Variants in CYP7B1 observed in about 807,000 individuals in gnomAD.
The protein encoded by CYP7B1 is cytochrome P450 7B1.
A neutral mutation model predicts 42.7 loss-of-function variants in CYP7B1; 29 were observed. That is an observed-to-expected ratio of 0.68 (90% confidence interval 0.51 to 0.93). The LOEUF is 0.93. Among genes scored for constraint, CYP7B1 ranks in the 40% least tolerant of loss-of-function variants. The probability of loss-of-function intolerance (pLI) is 0.00; values close to 1 mark genes in which losing one functional copy is unlikely to be tolerated. For missense variants in CYP7B1, 655 were observed against 600.5 expected (o/e 1.09, Z -0.95); for synonymous variants, 235 against 218.2 (o/e 1.08, Z -0.68).
intron 1 of CYP7B1, among the ~76,000 whole-genome samples, chr8:64,760,793 G>A (rs534637312): frequency 6.6e-6 from 1 of 152,114 alleles, no homozygotes; most frequent in African/African-American, 2.4e-5. Flanking sequence ...CAGTATGGAG[G>A]TTCCTAAAAA....
At chr8:64,677,562 G>A (rs939810128) in intron 1 of CYP7B1, among the ~76,000 whole-genome samples, 1 of 151,598 alleles carries the variant, frequency 6.6e-6, no homozygotes, top group African/African-American at 2.4e-5. Context: ...AAGCAACTGA[G>A]GAGGACAGGC....
At chr8:64,607,133 C>T in intron 4 of CYP7B1, among the ~76,000 whole-genome samples, 1 of 152,164 alleles carries the variant, frequency 6.6e-6, no homozygotes, top group East Asian at 1.9e-4. Flanking sequence ...CAATTTAAAA[C>T]ATACCAAGGG....
chr8:64,616,733 A>G (rs1050062628), intron 2 of CYP7B1, among the ~76,000 whole-genome samples: 2 of 152,232 alleles, frequency 1.3e-5, no homozygotes, highest in African/African-American at 4.8e-5. Flanking sequence ...TTGTTCAAAT[A>G]CAACAATTTT....
At chr8:64,764,723 T>A (rs1023341421) in intron 1 of CYP7B1, among the ~76,000 whole-genome samples, 6 of 152,300 alleles carry the variant, frequency 3.9e-5, no homozygotes, top group Non-Finnish European at 8.8e-5. Context: ...AAATAACCTT[T>A]AGAGGAAAAC....
chr8:64,699,380 G>A (rs1585863805), intron 1 of CYP7B1, among the ~76,000 whole-genome samples: 2 of 151,980 alleles, frequency 1.3e-5, no homozygotes, highest in African/African-American at 4.8e-5. Context: ...TATGAGCTAA[G>A]TGTAATGAAA....
At chr8:64,748,466 T>A (rs1807679407) in intron 1 of CYP7B1, among the ~76,000 whole-genome samples, 1 of 152,198 alleles carries the variant, frequency 6.6e-6, no homozygotes, top group South Asian at 2.1e-4. Context: ...AGAATTTGAA[T>A]CTGCTGATCA....
At chr8:64,602,527 G>C (rs1247217481) in intron 5 of CYP7B1, among the ~76,000 whole-genome samples, 1 of 152,162 alleles carries the variant, frequency 6.6e-6, no homozygotes, top group Non-Finnish European at 1.5e-5. Context: ...TTGTCTCTCT[G>C]TCTTCCAAGA....
chr8:64,712,675 T>C (rs781225100), intron 1 of CYP7B1, among the ~76,000 whole-genome samples: 24 of 151,452 alleles, frequency 1.6e-4, no homozygotes, highest in Middle Eastern at 6.9e-3. Context: ...TGCATACTTA[T>C]ATATTTTCTC....
intron 5 of CYP7B1, among the ~76,000 whole-genome samples, chr8:64,604,233 A>G (rs777988134): frequency 3.9e-5 from 6 of 152,222 alleles, no homozygotes; most frequent in Non-Finnish European, 7.3e-5. Context: ...GGAAAAGTAT[A>G]TGGGCTTAAC....
intron 1 of CYP7B1, among the ~76,000 whole-genome samples, chr8:64,666,607 G>GGGCA (rs1422794725): frequency 6.6e-6 from 1 of 152,142 alleles, no homozygotes; most frequent in Non-Finnish European, 1.5e-5. Flanking sequence ...TTGCCACAGT[G>GGGCA]GGCAGGACAA....
intron 1 of CYP7B1, among the ~76,000 whole-genome samples, chr8:64,765,313 T>C (rs1807955641): frequency 1.3e-5 from 2 of 152,200 alleles, no homozygotes; most frequent in South Asian, 4.1e-4. Flanking sequence ...ATAAAGGAAG[T>C]TCACATTGGA....
At chr8:64,756,824 C>T (rs893467857) in intron 1 of CYP7B1, among the ~76,000 whole-genome samples, 4 of 152,158 alleles carry the variant, frequency 2.6e-5, no homozygotes, top group East Asian at 3.9e-4. Flanking sequence ...TGTTTCTGAT[C>T]GCCAGAGAAA....
At chr8:64,705,105 T>C (rs1331928281) in intron 1 of CYP7B1, among the ~76,000 whole-genome samples, 1 of 151,962 alleles carries the variant, frequency 6.6e-6, no homozygotes, top group Non-Finnish European at 1.5e-5. Flanking sequence ...ACCTCCTCCT[T>C]TTATCTGAGA....
Position 64,616,142 on chromosome 8 carries a change from G to A in CYP7B1, c.399C>T (p.Asp133=), listed in dbSNP as rs374320141. Residue 133 remains aspartate, a synonymous_variant, in exon 3 of 6, where the codon GAC becomes GAT. Coordinates refer to ENST00000310193, the MANE Select transcript of CYP7B1 (RefSeq NM_004820.5). ...AGCAGAGGTGAAGCTCATCATTCAT[G>A]TCATGATTTTTTTGCAACTGACTGA... ...FSISQLQKNH[D]MNDELHLCYQ... is the part of the protein sequence containing the mutation. 1 of 1,613,554 alleles carries A rather than the reference G, an allele frequency of 6.2e-7. No individual in the cohort carries two copies. Among genetic ancestry groups the A allele is most frequent in the Non-Finnish European group, 8.5e-7 (1 of 1,179,740 alleles).
In CYP7B1 at chr8:64,615,992, G is replaced by A. The variant is rs1805437649; in HGVS notation, c.549C>T (p.Phe183=). The change falls in exon 3 of 6, where the codon TTC becomes TTT. Residue 183 remains phenylalanine, a synonymous_variant. Transcript: ENST00000310193. ...TSWDTAELYP[F]CSSIIFEITF... is the part of the protein sequence containing the mutation. The stretch of plus-strand genomic sequence containing the variant: ...TGATCTCAAATATTATTGAGCTGCA[G>A]AATGGATACAGTTCTGCCGTGTCCC... 1 of 1,613,604 alleles carries A rather than the reference G, an allele frequency of 6.2e-7. No homozygotes were observed. The highest frequency in any genetic ancestry group is 1.3e-5 in the African/African-American group (1 of 74,886).
chr8:64,784,053 A>G (rs996561390), intron 1 of CYP7B1, among the ~76,000 whole-genome samples: 1 of 152,294 alleles, frequency 6.6e-6, no homozygotes, highest in South Asian at 2.1e-4. Flanking sequence ...GATGCAAATT[A>G]AAACAAATAT....
chr8:64,596,871 CTT>C lies in CYP7B1; in HGVS notation c.1290_1291del (p.Gly432GlufsTer39). The stretch of plus-strand genomic sequence containing the variant: ...TAGGTAACACTTCAGCTTTTTCCCT[CTT>C]TTGAAAAAGGTGGTTTTCTTCTTAC... On this transcript the variant is annotated frameshift_variant, in exon 6 of 6. Transcript: ENST00000310193. LOFTEE classifies it low-confidence loss of function (END_TRUNC). 1 of 1,613,648 alleles carries C rather than the reference CTT, an allele frequency of 6.2e-7. No homozygotes were observed.
rs766368787 is a variant in CYP7B1, at chr8:64,604,783, G to A, written c.1132C>T (p.Leu378Phe). Residue 378 changes from leucine (L) to phenylalanine (F), a missense_variant, in exon 5 of 6, where the codon CTC becomes TTC. Transcript: ENST00000310193. ...CAGTAGTCCCCGGTCTCTGAACTGA[G>A]AGTCAAATCCTCCTCAACAAAACGA... is the stretch of plus-strand genomic sequence containing the variant. ...TIRFVEEDLTLSSETGDYCVR... is the reference protein window; with the variant it reads ...TIRFVEEDLTFSSETGDYCVR... 4 of 1,614,138 alleles carry A rather than the reference G, an allele frequency of 2.5e-6. No homozygotes were observed. Among genetic ancestry groups the A allele is most frequent in the East Asian group, 2.2e-5 (1 of 44,878 alleles).
chr8:64,627,253 T>C (rs1009633541), intron 1 of CYP7B1, among the ~76,000 whole-genome samples: 5 of 152,176 alleles, frequency 3.3e-5, no homozygotes, highest in Admixed American at 2.0e-4. Context: ...CTTGCTTTTA[T>C]GAGAAATATA....
Sources: allele counts gnomAD v4.1 joint callset (sites outside exome capture counted in the v4.1 genomes callset), GRCh38; gene constraint gnomAD v4.1.1; transcripts MANE v1.5; gene names NCBI Gene and HGNC (gene_info 2026-07-23, HGNC 2026-07-21).